The following PHF2 variants were observed in gnomAD, a reference collection of about 807,000 sequenced individuals.
The protein encoded by PHF2 is PHD finger protein 2, also known as lysine-specific demethylase PHF2.
A neutral mutation model predicts 120.5 loss-of-function variants in PHF2; 27 were observed. The ratio of observed to expected loss-of-function variants is 0.22; its 90% CI spans 0.17 to 0.31. PHF2 has a LOEUF of 0.31. PHF2 is among the 10% of genes least tolerant of loss of function. The probability of loss-of-function intolerance (pLI) is 1.00; values close to 1 mark genes in which losing one functional copy is unlikely to be tolerated. For missense variants in PHF2, 1,024 were observed against 1,434.8 expected (o/e 0.71, Z 4.63); for synonymous variants, 568 against 592.5 (o/e 0.96, Z 0.60).
intron 1 of PHF2, among the ~76,000 whole-genome samples, chr9:93,586,582 A>C (rs1416945670): frequency 6.6e-6 from 1 of 152,060 alleles, no homozygotes; most frequent in Admixed American, 6.5e-5. Flanking sequence ...CTTTTGTGCC[A>C]CTCCTGGCTG....
intron 1 of PHF2, among the ~76,000 whole-genome samples, chr9:93,598,601 C>A (rs1352003635): frequency 6.6e-6 from 1 of 151,880 alleles, no homozygotes. Context: ...TGTCAGCCCC[C>A]CACCCTCCTA....
intron 1 of PHF2, among the ~76,000 whole-genome samples, chr9:93,583,902 C>T (rs1862981901): frequency 6.7e-6 from 1 of 149,222 alleles, no homozygotes; most frequent in Admixed American, 6.7e-5. Context: ...GATCTCAGCT[C>T]ACCACAACCT....
intron 4 of PHF2, among the ~76,000 whole-genome samples, chr9:93,647,506 G>GTA (rs1826282467): frequency 6.6e-6 from 1 of 152,108 alleles, no homozygotes; most frequent in African/African-American, 2.4e-5. Context: ...GAAACAGTAA[G>GTA]CCCTCATGCA....
At chr9:93,588,719 G>A (rs138667877) in intron 1 of PHF2, among the ~76,000 whole-genome samples, 2,142 of 152,200 alleles carry the variant, frequency 0.014, 64 homozygotes, top group African/African-American at 0.048. Context: ...GTGAAACCCT[G>A]TCTGTACTAA....
chr9:93,666,353 T>G (rs1274176525), intron 16 of PHF2, among the ~76,000 whole-genome samples: 1 of 152,150 alleles, frequency 6.6e-6, no homozygotes, highest in Non-Finnish European at 1.5e-5. Flanking sequence ...CTGAGGTCCC[T>G]CTGGGGCTGC....
chr9:93,638,373 T>C (rs1168873695), intron 3 of PHF2, among the ~76,000 whole-genome samples: 1 of 152,244 alleles, frequency 6.6e-6, no homozygotes, highest in African/African-American at 2.4e-5. Context: ...TGAAGATTTA[T>C]TGATATATTT....
intron 1 of PHF2, among the ~76,000 whole-genome samples, chr9:93,585,554 G>A (rs1863024728): frequency 6.6e-6 from 1 of 152,238 alleles, no homozygotes; most frequent in Non-Finnish European, 1.5e-5. Context: ...GTTCATTCTT[G>A]TTCCTGACAT....
At chr9:93,619,235 T>C (rs1459132995) in intron 1 of PHF2, among the ~76,000 whole-genome samples, 1 of 152,124 alleles carries the variant, frequency 6.6e-6, no homozygotes, top group African/African-American at 2.4e-5. Context: ...TCCTGGCTCC[T>C]GGGAGGTCAC....
intron 1 of PHF2, among the ~76,000 whole-genome samples, chr9:93,624,829 A>T (rs935513311): frequency 1.3e-5 from 2 of 149,736 alleles, no homozygotes; most frequent in Non-Finnish European, 3.0e-5. Context: ...GATGATGGTG[A>T]TGATGATGAT....
At chr9:93,653,101 C>T in intron 5 of PHF2, 78 bp from the exon 6 acceptor site, 11 of 1,373,584 alleles carry the variant, frequency 8.0e-6, no homozygotes, top group Non-Finnish European at 1.0e-5. Flanking sequence ...ACATGCCTCA[C>T]AGAACATGTT....
chr9:93,666,672 T>G (rs1826687445), intron 16 of PHF2, among the ~76,000 whole-genome samples: 1 of 152,160 alleles, frequency 6.6e-6, no homozygotes, highest in South Asian at 2.1e-4. Context: ...AGCTCACACC[T>G]GTAATCCCAG....
At position 93,677,516 on chromosome 9, in the gene PHF2, C is replaced by T. The variant is rs139023397; in HGVS notation, c.3203-72C>T. 4.8e-5 allele frequency: 54 copies of T among 1,136,108 alleles called. No individual in the cohort carries two copies. Among genetic ancestry groups the T allele is most frequent in the South Asian group, 3.7e-4 (28 of 76,512 alleles). The allele number at this position is 1,136,108 out of a possible 1,614,324, so 70.4% of individuals were successfully genotyped here. A position where few individuals can be genotyped will look rare whatever the true frequency, so the allele number is the denominator to read the frequency against. ...CCTTAGTGTCAGCGGGACCCTCCCC[C>T]CCACCGGCATGCCACGCCCCTTGCC... On this transcript the variant is annotated intron_variant, in intron 21 of 21. Transcript: ENST00000359246. The surrounding 1 kb of genome is among the most constrained non-coding windows in gnomAD (Gnocchi z 4.4).
intron 17 of PHF2, among the ~76,000 whole-genome samples, chr9:93,672,915 C>T (rs924534824): frequency 3.6e-5 from 5 of 138,116 alleles, no homozygotes; most frequent in Admixed American, 3.5e-4. Flanking sequence ...GATGCAGGTG[C>T]AGGTGTGAGG....
chr9:93,624,741 TG>T (rs1353423282), intron 1 of PHF2, among the ~76,000 whole-genome samples: 3 of 151,110 alleles, frequency 2.0e-5, no homozygotes, highest in Admixed American at 6.6e-5. Context: ...GTGATAGTGA[TG>T]GTAATGATAA....
chr9:93,605,163 T>C (rs895377570), intron 1 of PHF2, among the ~76,000 whole-genome samples: 1 of 152,268 alleles, frequency 6.6e-6, no homozygotes, highest in Non-Finnish European at 1.5e-5. Flanking sequence ...TGATACATAC[T>C]CATTAACAAA....
chr9:93,678,967 A>G lies in PHF2; in HGVS notation c.*1291A>G, dbSNP rs1826972384. The G allele has an allele frequency of 1.6e-5, 5 of 307,338 alleles. No individual in the cohort carries two copies. The highest frequency in any genetic ancestry group is 1.3e-4 in the South Asian group (5 of 38,282). 19.0% of individuals were successfully genotyped at this position (307,338 alleles called of 1,614,324 possible). A position where few individuals can be genotyped will look rare whatever the true frequency, so the allele number is the denominator to read the frequency against. On this transcript the variant is annotated 3_prime_UTR_variant, in exon 22 of 22. Coordinates refer to ENST00000359246, the MANE Select transcript of PHF2 (RefSeq NM_005392.4). ...CTCTGTCTTTACAGAAGCAAATAGT[A>G]CACAAAAGATCTATTTCAGACACAT...
At chr9:93,672,175 T>G (rs867758492) in intron 17 of PHF2, among the ~76,000 whole-genome samples, 1 of 99,362 alleles carries the variant, frequency 1.0e-5, no homozygotes. Flanking sequence ...TGGATGTAGG[T>G]ACAGGTGTAG....
At chr9:93,592,835 C>T (rs1055329976) in intron 1 of PHF2, among the ~76,000 whole-genome samples, 2 of 152,086 alleles carry the variant, frequency 1.3e-5, no homozygotes, top group African/African-American at 4.8e-5. Context: ...GGCTCACAGT[C>T]CACCTGGCTG....
At chr9:93,579,495 A>G (rs1368184615) in intron 1 of PHF2, among the ~76,000 whole-genome samples, 1 of 152,092 alleles carries the variant, frequency 6.6e-6, no homozygotes, top group Non-Finnish European at 1.5e-5. Context: ...GCTTTATTCA[A>G]ATGTATTTAA....
Sources: gnomAD v4.1 joint callset for allele counts (sites outside exome capture counted in the v4.1 genomes callset) on GRCh38, gnomAD v4.1.1 for gene constraint, Gnocchi (gnomAD v3.1) non-coding constraint, MANE v1.5 for transcripts, NCBI Gene and HGNC (gene_info 2026-07-23, HGNC 2026-07-21) for gene names.